The following PIEZO2 variants were observed in gnomAD, a reference collection of about 807,000 sequenced individuals.
PIEZO2 encodes piezo-type mechanosensitive ion channel component 2.
A neutral mutation model predicts 337.3 loss-of-function variants in PIEZO2; 172 were observed. The observed-to-expected ratio is 0.51, with a 90% CI of 0.45 to 0.58. The LOEUF is 0.58. PIEZO2 is among the 20% of genes least tolerant of loss of function. PIEZO2 has a pLI of 0.00. For synonymous variants in PIEZO2, 1,251 were observed against 1,228.5 expected, an observed-to-expected ratio of 1.02 and a Z score of -0.38; for missense variants, 3,028 against 3,391.3, an observed-to-expected ratio of 0.89 and a Z score of 2.66.
intron 36 of PIEZO2, among the ~76,000 whole-genome samples, chr18:10,721,063 C>A (rs903317029): frequency 6.6e-6 from 1 of 152,142 alleles, no homozygotes; most frequent in Non-Finnish European, 1.5e-5. Context: ...GTTTTGATAT[C>A]ATTAGGAATT....
rs182423653 is a variant in PIEZO2, at chr18:10,942,964, G to C, written c.287-31736C>G. On this transcript the variant is annotated intron_variant, in intron 3 of 55. Transcript: ENST00000674853. This position sits in a 1 kb window ranked among gnomAD's most constrained non-coding sequence, Gnocchi z 4.4. ...TGGGCTATGGCATCAGAGGGTGCAA[G>C]CTCCAAGCCTTGGCAACTTCCACAT... Among the ~76,000 whole-genome samples the C allele has an allele frequency of 6.6e-6, 1 of 152,218 alleles. No homozygotes were observed. Among genetic ancestry groups the C allele is most frequent in the Admixed American group, 6.5e-5 (1 of 15,284 alleles).
chr18:11,107,697 C>A (rs1263592070), intron 1 of PIEZO2, among the ~76,000 whole-genome samples: 3 of 152,136 alleles, frequency 2.0e-5, no homozygotes, highest in African/African-American at 7.2e-5. Flanking sequence ...TTCAAGGAGG[C>A]CACTACGAAT....
chr18:11,119,133 G>A (rs4797502), intron 1 of PIEZO2, among the ~76,000 whole-genome samples: 83,941 of 148,080 alleles, frequency 0.57, 26,577 homozygotes, highest in Non-Finnish European at 0.7. Context: ...GAAAAGCCAC[G>A]GAACAAATAT....
At chr18:10,749,900 A>G (rs1259613913) in intron 29 of PIEZO2, among the ~76,000 whole-genome samples, 191 bp downstream of exon 29, 1 of 152,220 alleles carries the variant, frequency 6.6e-6, no homozygotes, top group South Asian at 2.1e-4. Flanking sequence ...ATGATCAAAG[A>G]GGCTTAGCAT....
intron 3 of PIEZO2, among the ~76,000 whole-genome samples, chr18:10,950,118 T>C (rs192648015): frequency 2.0e-5 from 3 of 152,364 alleles, no homozygotes; most frequent in Non-Finnish European, 4.4e-5. Context: ...CAGTACCCTA[T>C]ATATTTTAAT....
intron 31 of PIEZO2, among the ~76,000 whole-genome samples, chr18:10,743,832 A>G (rs2037319295): frequency 6.6e-6 from 1 of 152,104 alleles, no homozygotes; most frequent in Non-Finnish European, 1.5e-5. Flanking sequence ...AGAAAACTCA[A>G]ATTTAGAGGA....
Position 10,682,223 on chromosome 18 carries a change from C to T in PIEZO2, c.7567G>A (p.Val2523Ile), listed in dbSNP as rs528555261. ...VKYGMGGMII[V>I]LLICIVWFPL... The stretch of plus-strand genomic sequence containing the variant: ...AACCAGACAATGCAGATGAGCAGGA[C>T]GATGATCATTCCTCCCATGCCATAC... The change falls in exon 50 of 56, where the codon GTC (valine) becomes ATC (isoleucine). Residue 2523 changes from valine to isoleucine, a missense_variant. Transcript: ENST00000674853. The surrounding 1 kb of genome is among the most constrained non-coding windows in gnomAD (Gnocchi z 5.6). The T allele has an allele frequency of 7.2e-6, 11 of 1,537,120 alleles. No individual in the cohort carries two copies. The highest frequency in any genetic ancestry group is 2.0e-5 in the Admixed American group (1 of 50,978).
intron 54 of PIEZO2, among the ~76,000 whole-genome samples, chr18:10,674,397 C>T (rs1193248133): frequency 6.6e-6 from 1 of 152,246 alleles, no homozygotes; most frequent in Non-Finnish European, 1.5e-5. Flanking sequence ...TTGCAAATAC[C>T]TTGTAAGAGA....
Position 10,791,304 on chromosome 18 carries a change from A to G in PIEZO2, c.1779T>C (p.Phe593=). The G allele has an allele frequency of 6.6e-7, 1 of 1,523,140 alleles. No homozygotes were observed. The highest frequency in any genetic ancestry group is 8.8e-7 in the Non-Finnish European group (1 of 1,141,052). 94.4% of individuals were successfully genotyped at this position (1,523,140 alleles called of 1,614,324 possible). The change falls in exon 14 of 56, where the codon TTT becomes TTC. Residue 593 remains phenylalanine, a synonymous_variant. Coordinates refer to ENST00000674853, the MANE Select transcript of PIEZO2 (RefSeq NM_001378183.1). ...TGAGGTGCTGCCTCAGCAGTAGCCA[A>G]AAAGTAATGGTGAAAAGGATCTGAA... ...LASKILFTIT[F]WLLLRQHLTE...
Position 11,149,298 on chromosome 18 carries a change from C to T in PIEZO2, c.-710G>A, listed in dbSNP as rs1354938677. 2.0e-5 allele frequency among the ~76,000 whole-genome samples: 3 copies of T among 151,652 alleles called. No individual in the cohort carries two copies. Among genetic ancestry groups the T allele is most frequent in the African/African-American group, 7.3e-5 (3 of 41,294 alleles). The stretch of plus-strand genomic sequence containing the variant: ...AGGCGCGCAGAACCATCCCCGCCAC[C>T]ACGGGGCTCGCCTTGTGGGTCCGGT... On this transcript the variant is annotated 5_prime_UTR_variant, in exon 1 of 56. Transcript: ENST00000674853. The surrounding 1 kb of genome is among the most constrained non-coding windows in gnomAD (Gnocchi z 8.7).
chr18:10,952,047 T>C lies in PIEZO2; in HGVS notation c.286+27488A>G, dbSNP rs1425023123. ...TATCTGATTTGGCCTCCACAATAGC[T>C]CTTGGGGAAAGTCATCATGATCTTG... On this transcript the variant is annotated intron_variant, in intron 3 of 55. Coordinates refer to ENST00000674853, the MANE Select transcript of PIEZO2 (RefSeq NM_001378183.1). This position sits in a 1 kb window ranked among gnomAD's most constrained non-coding sequence, Gnocchi z 4.1. Among the ~76,000 whole-genome samples the C allele has an allele frequency of 6.6e-6, 1 of 152,100 alleles. No individual in the cohort carries two copies. The highest frequency in any genetic ancestry group is 1.5e-5 in the Non-Finnish European group (1 of 68,014).
chr18:10,924,786 G>A (rs1211417848), intron 3 of PIEZO2, among the ~76,000 whole-genome samples: 1 of 152,058 alleles, frequency 6.6e-6, no homozygotes, highest in Admixed American at 6.6e-5. Flanking sequence ...TATATTCCTT[G>A]GGGCATCTTA....
chr18:10,817,697 G>A (rs952674256), intron 7 of PIEZO2, among the ~76,000 whole-genome samples: 3 of 152,132 alleles, frequency 2.0e-5, no homozygotes, highest in Non-Finnish European at 4.4e-5. Context: ...GCAGAGGTGG[G>A]TGGTTCACGA....
In PIEZO2 at chr18:10,980,070, CTT is replaced by C. The variant is rs1484509742; in HGVS notation, c.161-412_161-411del. 7.2e-5 allele frequency among the ~76,000 whole-genome samples: 11 copies of C among 152,056 alleles called. No homozygotes were observed. The highest frequency in any genetic ancestry group is 1.2e-4 in the Non-Finnish European group (8 of 67,986). On this transcript the variant is annotated intron_variant, in intron 2 of 55. Transcript: ENST00000674853. This position sits in a 1 kb window ranked among gnomAD's most constrained non-coding sequence, Gnocchi z 4.8. ...AAAACATTTTATGAAGTCACAATAA[CTT>C]TAATTTCAAAATCAAATAAGGCTAG...
At chr18:10,920,315 C>A (rs1298042648) in intron 3 of PIEZO2, among the ~76,000 whole-genome samples, 1 of 152,104 alleles carries the variant, frequency 6.6e-6, no homozygotes, top group Admixed American at 6.5e-5. Flanking sequence ...AAGAAAGAAG[C>A]CAACCCCCAC....
In PIEZO2 at chr18:11,101,040, G is replaced by A. The variant is rs2039406637; in HGVS notation, c.65-34818C>T. Among the ~76,000 whole-genome samples the A allele has an allele frequency of 6.6e-6, 1 of 152,214 alleles. No individual in the cohort carries two copies. Among genetic ancestry groups the A allele is most frequent in the Admixed American group, 6.5e-5 (1 of 15,284 alleles). ...GTGGGATGGCTTTCCCACTGGAGATGCAGCTTCAGAGAGTTTAATGGGCAT... is the reference window on the plus strand; with the variant it reads ...GTGGGATGGCTTTCCCACTGGAGATACAGCTTCAGAGAGTTTAATGGGCAT... On this transcript the variant is annotated intron_variant, in intron 1 of 55. Transcript: ENST00000674853. This position sits in a 1 kb window ranked among gnomAD's most constrained non-coding sequence, Gnocchi z 4.4.
chr18:10,752,922 C>T (rs917318908), intron 27 of PIEZO2, 43 bp from the exon 28 acceptor site: 7 of 1,504,800 alleles, frequency 4.7e-6, no homozygotes, highest in African/African-American at 1.4e-5. Flanking sequence ...AACAACAAAA[C>T]AAACAAAAGC....
chr18:10,953,986 G>A lies in PIEZO2; in HGVS notation c.286+25549C>T, dbSNP rs992061305. On this transcript the variant is annotated intron_variant, in intron 3 of 55. Transcript: ENST00000674853. The surrounding 1 kb of genome is among the most constrained non-coding windows in gnomAD (Gnocchi z 5.2). ...GTGGTGTGCAGCTGGTTCAGCACAG[G>A]GTCACATCTGCTGAAAGCAGGGAAC... Among the ~76,000 whole-genome samples the A allele has an allele frequency of 6.6e-6, 1 of 152,178 alleles. No homozygotes were observed. The highest frequency in any genetic ancestry group is 6.5e-5 in the Admixed American group (1 of 15,270).
At chr18:10,797,625 AT>A (rs2039659773) in intron 11 of PIEZO2, 103 bp from the exon 12 acceptor site, 2 of 1,456,326 alleles carry the variant, frequency 1.4e-6, no homozygotes, top group Non-Finnish European at 9.0e-7. Flanking sequence ...ATAGCCTTTT[AT>A]TTAAGATTTC....
Sources: allele counts gnomAD v4.1 joint callset (sites outside exome capture counted in the v4.1 genomes callset), GRCh38; gene constraint gnomAD v4.1.1; non-coding constraint Gnocchi (gnomAD v3.1); transcripts MANE v1.5; gene names NCBI Gene and HGNC (gene_info 2026-07-23, HGNC 2026-07-21).